The following SCRN3 variants were observed in gnomAD, a reference collection of about 807,000 sequenced individuals.
The protein encoded by SCRN3 is secernin 3.
Under a neutral mutation model 43.1 loss-of-function variants are expected in SCRN3, and 39 were observed. That is an observed-to-expected ratio of 0.91 (90% CI 0.70 to 1.18). The LOEUF is 1.18. Ranked by LOEUF, SCRN3 falls within the 50% of genes most tolerant of loss-of-function variation. SCRN3 has a pLI of 0.00. For missense variants in SCRN3, 484 were observed against 498.0 expected, an observed-to-expected ratio of 0.97 and a Z score of 0.27; for synonymous variants, 147 against 163.1, an observed-to-expected ratio of 0.90 and a Z score of 0.75.
intron 6 of SCRN3, among the ~76,000 whole-genome samples, chr2:174,424,112 TGG>T (rs1686397704): frequency 1.3e-5 from 2 of 152,298 alleles, no homozygotes; most frequent in Admixed American, 6.5e-5. Context: ...TTACTGACAC[TGG>T]CGCTGATGTT....
intron 5 of SCRN3, 111 bp downstream of exon 5, chr2:174,404,426 C>A: frequency 2.9e-6 from 2 of 682,666 alleles, no homozygotes; most frequent in South Asian, 2.8e-5. Flanking sequence ...AAATATTGTT[C>A]TATTAAAATG....
intron 5 of SCRN3, among the ~76,000 whole-genome samples, chr2:174,417,835 T>C (rs1686168989): frequency 3.3e-5 from 5 of 152,232 alleles, no homozygotes; most frequent in Admixed American, 2.6e-4. Context: ...CAGCACCTAA[T>C]TCATTATGTT....
At chr2:174,412,860 C>CTTTTTTTT (rs71024803) in intron 5 of SCRN3, among the ~76,000 whole-genome samples, 7 of 61,922 alleles carry the variant, frequency 1.1e-4, no homozygotes, top group Non-Finnish European at 2.0e-4. Flanking sequence ...CCATATAGTG[C>CTTTTTTTT]TTTTTTTTTT....
chr2:174,412,042 T>C (rs1685937757), intron 5 of SCRN3, among the ~76,000 whole-genome samples: 1 of 152,114 alleles, frequency 6.6e-6, no homozygotes, highest in South Asian at 2.1e-4. Context: ...TCTCTCTCTC[T>C]GAATATAACT....
intron 5 of SCRN3, among the ~76,000 whole-genome samples, chr2:174,419,689 T>G (rs1686231668): frequency 6.6e-6 from 1 of 152,182 alleles, no homozygotes; most frequent in Non-Finnish European, 1.5e-5. Flanking sequence ...TTGCCTGGCC[T>G]GTGTTTTTTG....
chr2:174,424,823 A>C lies in SCRN3; in HGVS notation c.1092+174A>C, dbSNP rs548713478. 5.3e-5 allele frequency among the ~76,000 whole-genome samples: 8 copies of C among 152,362 alleles called. No homozygotes were observed. The South Asian group carries it at 1.7e-3, about 32-fold the overall frequency. The stretch of plus-strand genomic sequence containing the variant: ...TATTTTTATCTTTGGTTATGAATAC[A>C]TGTATGTGAATCTTGTAGAGAAACT... On this transcript the variant is annotated intron_variant, in intron 7 of 7. Transcript: ENST00000272732.
At chr2:174,409,737 C>A (rs1685832917) in intron 5 of SCRN3, among the ~76,000 whole-genome samples, 1 of 143,886 alleles carries the variant, frequency 6.9e-6, no homozygotes, top group South Asian at 2.2e-4. Context: ...GTCAGTGTGC[C>A]CCTGCTGGGA....
intron 5 of SCRN3, among the ~76,000 whole-genome samples, chr2:174,421,638 A>G (rs1246523163): frequency 2.0e-5 from 3 of 152,140 alleles, no homozygotes; most frequent in Middle Eastern, 3.2e-3. Flanking sequence ...ATACTTCTCC[A>G]ACTTCTCTTC....
intron 5 of SCRN3, among the ~76,000 whole-genome samples, chr2:174,409,812 C>T (rs556908298): frequency 7.0e-6 from 1 of 142,684 alleles, no homozygotes; most frequent in African/African-American, 2.5e-5. Context: ...GGCAGTCTGC[C>T]GGTTCTCAGA....
At chr2:174,414,622 T>A (rs964288065) in intron 5 of SCRN3, among the ~76,000 whole-genome samples, 2 of 152,174 alleles carry the variant, frequency 1.3e-5, no homozygotes, top group Non-Finnish European at 2.9e-5. Context: ...AATCATTGTA[T>A]AATAAAGATT....
intron 4 of SCRN3, among the ~76,000 whole-genome samples, chr2:174,403,561 A>T (rs1377210091): frequency 6.6e-6 from 1 of 152,248 alleles, no homozygotes; most frequent in Non-Finnish European, 1.5e-5. Context: ...TATATACAAT[A>T]ACATAGATGA....
chr2:174,415,346 T>C (rs1206769655), intron 5 of SCRN3, among the ~76,000 whole-genome samples: 2 of 152,074 alleles, frequency 1.3e-5, no homozygotes, highest in African/African-American at 4.8e-5. Context: ...AGAAAAAAAA[T>C]GGCATGTTAC....
At chr2:174,414,638 T>C (rs6747988) in intron 5 of SCRN3, among the ~76,000 whole-genome samples, 9,400 of 152,258 alleles carry the variant, frequency 0.062, 931 homozygotes, top group African/African-American at 0.21. Flanking sequence ...AGATTGATTG[T>C]ATGAATCATA....
At chr2:174,408,508 T>A (rs943588058) in intron 5 of SCRN3, among the ~76,000 whole-genome samples, 2 of 150,090 alleles carry the variant, frequency 1.3e-5, no homozygotes, top group East Asian at 2.0e-4. Context: ...ATTATGATGA[T>A]AGCTGGTGAT....
At chr2:174,413,492 T>TA (rs947178569) in intron 5 of SCRN3, among the ~76,000 whole-genome samples, 52 of 152,258 alleles carry the variant, frequency 3.4e-4, no homozygotes, top group African/African-American at 1.2e-3. Flanking sequence ...AGATGGAGAT[T>TA]TGGGCAGTTC....
At chr2:174,396,316 C>T in intron 1 of SCRN3, 2 of 986,682 alleles carry the variant, frequency 2.0e-6, no homozygotes, top group South Asian at 4.7e-5. Context: ...AAGGCTTCAC[C>T]TCCTCAGTGG....
intron 5 of SCRN3, among the ~76,000 whole-genome samples, chr2:174,408,442 A>C (rs1204195336): frequency 1.4e-5 from 2 of 144,460 alleles, no homozygotes; most frequent in African/African-American, 4.9e-5. Context: ...TTAATTGGAG[A>C]ATTTAGTCCA....
chr2:174,423,839 GGAGTGCAGTGGC>G (rs1686387845), intron 6 of SCRN3, among the ~76,000 whole-genome samples: 4 of 140,030 alleles, frequency 2.9e-5, no homozygotes, highest in Admixed American at 1.5e-4. Context: ...AGGCTAGAAT[GGAGTGCAGTGGC>G]ACAGTCAGCA....
chr2:174,400,259 C>T (rs1444112326), intron 3 of SCRN3, among the ~76,000 whole-genome samples, 156 bp downstream of exon 3: 1 of 151,832 alleles, frequency 6.6e-6, no homozygotes, highest in African/African-American at 2.4e-5. Flanking sequence ...TTTCATGACT[C>T]TCAGTTTTGT....
Sources: gnomAD v4.1 joint callset for allele counts (sites outside exome capture counted in the v4.1 genomes callset) on GRCh38, gnomAD v4.1.1 for gene constraint, MANE v1.5 for transcripts, NCBI Gene and HGNC (gene_info 2026-07-23, HGNC 2026-07-21) for gene names.